The following CEP128 variants were observed in gnomAD, a reference collection of about 807,000 sequenced individuals.
CEP128 encodes centrosomal protein 128kDa.
CEP128 carries 132 observed loss-of-function variants against 156.7 expected under a neutral mutation model. That is an observed-to-expected ratio of 0.84 (90% CI 0.73 to 0.97). The LOEUF (loss-of-function observed/expected upper bound fraction) is 0.97. CEP128 is among the 50% of genes least tolerant of loss of function. The pLI is 0.00. For synonymous variants in CEP128, 469 were observed against 448.9 expected, an observed-to-expected ratio of 1.04 and a Z score of -0.57; for missense variants, 1,252 against 1,281.9, an observed-to-expected ratio of 0.98 and a Z score of 0.36.
intron 21 of CEP128, among the ~76,000 whole-genome samples, chr14:80,542,488 A>T (rs935835841): frequency 2.6e-5 from 4 of 152,206 alleles, no homozygotes; most frequent in Non-Finnish European, 5.9e-5. Context: ...CAAAAAACAG[A>T]ACTGAAAGAA....
At chr14:80,576,963 G>A (rs1010601198) in intron 20 of CEP128, among the ~76,000 whole-genome samples, 3 of 152,100 alleles carry the variant, frequency 2.0e-5, no homozygotes, top group African/African-American at 4.8e-5. Flanking sequence ...ATTACAGTTC[G>A]TTGAAAGGTA....
intron 8 of CEP128, among the ~76,000 whole-genome samples, chr14:80,881,492 T>A (rs1328870645): frequency 8.4e-6 from 1 of 119,282 alleles, no homozygotes; most frequent in African/African-American, 3.4e-5. Context: ...CTAGCAAACA[T>A]TTAAAGAACT....
chr14:80,842,090 C>G (rs1886373578), intron 9 of CEP128, among the ~76,000 whole-genome samples: 1 of 152,008 alleles, frequency 6.6e-6, no homozygotes, highest in African/African-American at 2.4e-5. Flanking sequence ...CTTAGAACAT[C>G]TGATAAGTTG....
intron 14 of CEP128, among the ~76,000 whole-genome samples, chr14:80,787,395 T>C (rs552588709): frequency 3.3e-5 from 5 of 152,276 alleles, no homozygotes; most frequent in East Asian, 1.9e-4. Flanking sequence ...TCTTCAAAGC[T>C]TGAACAGCTT....
At chr14:80,949,542 C>T (rs976610401) in intron 2 of CEP128, among the ~76,000 whole-genome samples, 1 of 152,116 alleles carries the variant, frequency 6.6e-6, no homozygotes, top group African/African-American at 2.4e-5. Flanking sequence ...ACTCCTCCCA[C>T]CAGCCAGATT....
chr14:80,660,379 G>A (rs913409496), intron 19 of CEP128, among the ~76,000 whole-genome samples: 1 of 152,120 alleles, frequency 6.6e-6, no homozygotes, highest in Non-Finnish European at 1.5e-5. Context: ...AGATATAAAT[G>A]CCATAGGTGA....
At chr14:80,539,184 A>C (rs1889625115) in intron 21 of CEP128, among the ~76,000 whole-genome samples, 1 of 152,220 alleles carries the variant, frequency 6.6e-6, no homozygotes, top group Non-Finnish European at 1.5e-5. Flanking sequence ...AGAGAAACTA[A>C]CATGTTCATA....
At chr14:80,911,693 T>C (rs894185821) in intron 4 of CEP128, among the ~76,000 whole-genome samples, 1 of 152,328 alleles carries the variant, frequency 6.6e-6, no homozygotes, top group Middle Eastern at 3.4e-3. Context: ...TGAAATAAGA[T>C]GATCTATGTA....
intron 2 of CEP128, among the ~76,000 whole-genome samples, chr14:80,933,373 T>TG (rs1885591540): frequency 6.6e-6 from 1 of 152,178 alleles, no homozygotes; most frequent in African/African-American, 2.4e-5. Flanking sequence ...CCTCTAAGTT[T>TG]ATATCTCCTT....
At chr14:80,770,274 A>G (rs930550490) in intron 16 of CEP128, among the ~76,000 whole-genome samples, 2 of 152,240 alleles carry the variant, frequency 1.3e-5, no homozygotes, top group African/African-American at 2.4e-5. Context: ...AGTCATTGCC[A>G]ATTGAGTAAT....
chr14:80,938,110 G>A (rs1319655759), intron 2 of CEP128, among the ~76,000 whole-genome samples: 1 of 151,808 alleles, frequency 6.6e-6, no homozygotes, highest in Non-Finnish European at 1.5e-5. Flanking sequence ...GTTGCCCAAG[G>A]TGTTCTAAAA....
chr14:80,691,025 T>G (rs1210498971), intron 19 of CEP128, among the ~76,000 whole-genome samples: 1 of 152,180 alleles, frequency 6.6e-6, no homozygotes, highest in Non-Finnish European at 1.5e-5. Context: ...AAATCTACCC[T>G]AAAAGGTATT....
At chr14:80,847,941 C>A (rs908919515) in intron 9 of CEP128, among the ~76,000 whole-genome samples, 16 of 152,120 alleles carry the variant, frequency 1.1e-4, no homozygotes, top group Middle Eastern at 3.2e-3. Flanking sequence ...AGTTACTATA[C>A]AGTAAGCAAT....
At chr14:80,544,699 C>A (rs2140320412) in intron 21 of CEP128, among the ~76,000 whole-genome samples, 1 of 152,180 alleles carries the variant, frequency 6.6e-6, no homozygotes. Flanking sequence ...ATTCTAACAT[C>A]CTTCTATGTG....
At chr14:80,715,610 G>C (rs1897574767) in intron 19 of CEP128, among the ~76,000 whole-genome samples, 1 of 152,190 alleles carries the variant, frequency 6.6e-6, no homozygotes, top group African/African-American at 2.4e-5. Context: ...ATTTCAAACA[G>C]AAGGAGCAAG....
intron 7 of CEP128, among the ~76,000 whole-genome samples, chr14:80,897,623 T>C (rs1181260203): frequency 6.6e-6 from 1 of 152,114 alleles, no homozygotes; most frequent in African/African-American, 2.4e-5. Flanking sequence ...ATCCTTATTC[T>C]CCCTCACCCA....
At chr14:80,825,768 T>G (rs1885437532) in intron 13 of CEP128, among the ~76,000 whole-genome samples, 1 of 152,084 alleles carries the variant, frequency 6.6e-6, no homozygotes, top group East Asian at 1.9e-4. Flanking sequence ...TTAAACCAAG[T>G]CTTCTAATAG....
chr14:80,777,555 A>T (rs117369106), intron 16 of CEP128, among the ~76,000 whole-genome samples: 1,568 of 152,358 alleles, frequency 0.01, 15 homozygotes, highest in Middle Eastern at 0.048. Flanking sequence ...ATGGATAGAC[A>T]TAGGTCAATC....
chr14:80,588,289 C>T (rs1184190909), intron 19 of CEP128, among the ~76,000 whole-genome samples: 1 of 151,988 alleles, frequency 6.6e-6, no homozygotes, highest in Non-Finnish European at 1.5e-5. Flanking sequence ...TGTCAAACAC[C>T]AACTGTTTCC....
Sources: gnomAD v4.1 joint callset for allele counts (sites outside exome capture counted in the v4.1 genomes callset) on GRCh38, gnomAD v4.1.1 for gene constraint, MANE v1.5 for transcripts, NCBI Gene and HGNC (gene_info 2026-07-23, HGNC 2026-07-21) for gene names.